TIAM1: variants seen among roughly 807,000 people sequenced by gnomAD.
The protein encoded by TIAM1 is rho guanine nucleotide exchange factor TIAM1.
A neutral mutation model predicts 163.5 loss-of-function variants in TIAM1; 65 were observed. That is an observed-to-expected ratio of 0.40 (90% CI 0.33 to 0.49). TIAM1 has a LOEUF of 0.49. TIAM1 is among the 20% of genes least tolerant of loss of function. The pLI, the probability that TIAM1 is intolerant of heterozygous loss-of-function variation, is 0.77. For synonymous variants in TIAM1, 833 were observed against 810.1 expected (o/e 1.03, Z -0.48); for missense variants, 1,789 against 2,044.7 (o/e 0.87, Z 2.41).
chr21:31,171,035 C>CAAAAAAAAAAAAAAAAAAA (rs34291568), intron 15 of TIAM1, among the ~76,000 whole-genome samples: 2 of 19,572 alleles, frequency 1.0e-4, no homozygotes, highest in African/African-American at 2.0e-4. Flanking sequence ...GACTCCATCT[C>CAAAAAAAAAAAAAAAAAAA]AAAAAAAAAA....
chr21:31,124,471 A>G (rs752408171), intron 27 of TIAM1, 51 bp downstream of exon 27: 100 of 1,606,416 alleles, frequency 6.2e-5, no homozygotes, highest in Non-Finnish European at 7.8e-5. Flanking sequence ...CTGGAGTTCT[A>G]CTGCGGAGTG....
intron 2 of TIAM1, among the ~76,000 whole-genome samples, chr21:31,450,990 C>T (rs1442497801): frequency 6.6e-6 from 1 of 151,574 alleles, no homozygotes; most frequent in Non-Finnish European, 1.5e-5. Flanking sequence ...TCCTTGTGGG[C>T]TTCAGACATC....
At chr21:31,460,069 C>A (rs1466779849) in intron 2 of TIAM1, among the ~76,000 whole-genome samples, 1 of 152,170 alleles carries the variant, frequency 6.6e-6, no homozygotes, top group African/African-American at 2.4e-5. Context: ...AGCTCCTCTG[C>A]AGGTTTTAAA....
At chr21:31,402,869 G>A (rs554724837) in intron 2 of TIAM1, among the ~76,000 whole-genome samples, 60 of 152,168 alleles carry the variant, frequency 3.9e-4, no homozygotes, top group Non-Finnish European at 7.5e-4. Context: ...GGAGAATGGC[G>A]TGAACCTGGG....
intron 1 of TIAM1, among the ~76,000 whole-genome samples, chr21:31,541,606 A>G (rs76128355): frequency 0.015 from 2,249 of 152,372 alleles, 59 homozygotes; most frequent in African/African-American, 0.051. Flanking sequence ...AATGAGAAAT[A>G]TGAGGATAAA....
intron 2 of TIAM1, among the ~76,000 whole-genome samples, chr21:31,303,913 G>A (rs909392586): frequency 6.6e-6 from 1 of 152,128 alleles, no homozygotes; most frequent in African/African-American, 2.4e-5. Context: ...TGGAGGCGGA[G>A]GTTGCAGTGA....
At chr21:31,249,002 C>G (rs1453340769) in intron 5 of TIAM1, among the ~76,000 whole-genome samples, 1 of 152,100 alleles carries the variant, frequency 6.6e-6, no homozygotes, top group Non-Finnish European at 1.5e-5. Context: ...TATTTTATGC[C>G]ACTAACATTG....
chr21:31,395,310 CA>C lies in TIAM1; in HGVS notation c.-368-55889del, dbSNP rs139993610. Among the ~76,000 whole-genome samples the C allele has an allele frequency of 3.8e-4, 58 of 152,074 alleles. No homozygotes were observed. The highest frequency in any genetic ancestry group is 7.9e-4 in the Non-Finnish European group (54 of 67,982). On this transcript the variant is annotated intron_variant, in intron 2 of 28. Coordinates refer to the TIAM1 transcript ENST00000286827. This position sits in a 1 kb window ranked among gnomAD's most constrained non-coding sequence, Gnocchi z 7.5. ...GCTCTCTGGAGATGTCACTACGTCT[CA>C]GGGGGCTACTTCTAGAGAAGTGACA...
At chr21:31,412,538 T>C (rs1179574790) in intron 2 of TIAM1, among the ~76,000 whole-genome samples, 1 of 151,790 alleles carries the variant, frequency 6.6e-6, no homozygotes, top group Non-Finnish European at 1.5e-5. Flanking sequence ...TCCCAGCACT[T>C]TGGGAGGCTG....
intron 1 of TIAM1, 143 bp downstream of exon 1, chr21:31,343,995 C>T (rs1349276273): frequency 6.6e-6 from 1 of 152,252 alleles, no homozygotes; most frequent in African/African-American, 2.4e-5. Flanking sequence ...GCACGGGACG[C>T]ACGGTTCCCC....
At chr21:31,268,989 T>TTTA (rs2072925338) in intron 3 of TIAM1, among the ~76,000 whole-genome samples, 1 of 152,172 alleles carries the variant, frequency 6.6e-6, no homozygotes, top group African/African-American at 2.4e-5. Flanking sequence ...TAGGTTTAAA[T>TTTA]TTAAAAGAGG....
At chr21:31,260,344 T>C (rs2072389795) in intron 4 of TIAM1, among the ~76,000 whole-genome samples, 1 of 151,450 alleles carries the variant, frequency 6.6e-6, no homozygotes, top group Non-Finnish European at 1.5e-5. Flanking sequence ...TTCAAATGAT[T>C]CTGGTGCCTC....
At chr21:31,538,047 A>C (rs2048195573) in intron 1 of TIAM1, among the ~76,000 whole-genome samples, 1 of 152,176 alleles carries the variant, frequency 6.6e-6, no homozygotes, top group Non-Finnish European at 1.5e-5. Flanking sequence ...AAATACATCT[A>C]TGGGGTTAGA....
In TIAM1 at chr21:31,298,989, C is replaced by T. The variant is rs1476382137; in HGVS notation, c.-188-22081G>A. ...TCGGAGGAGGGAGGCGTAGGGCGAA[C>T]AGGAACACAGGTTCAACAACAATAC... On this transcript the variant is annotated intron_variant, in intron 2 of 27. Transcript: ENST00000541036. Among the ~76,000 whole-genome samples, 4 of 152,212 alleles carry T rather than the reference C, an allele frequency of 2.6e-5. No individual in the cohort carries two copies. The South Asian group carries it at 8.3e-4, about 32-fold the overall frequency.
chr21:31,222,721 T>A (rs1465927182), intron 8 of TIAM1, among the ~76,000 whole-genome samples: 7 of 107,884 alleles, frequency 6.5e-5, no homozygotes, highest in African/African-American at 3.2e-4. Context: ...TTTTTTTTTT[T>A]TTTTTTTTTT....
intron 13 of TIAM1, among the ~76,000 whole-genome samples, chr21:31,189,447 T>C (rs2085453758): frequency 6.6e-6 from 1 of 152,150 alleles, no homozygotes; most frequent in South Asian, 2.1e-4. Flanking sequence ...ATGTAATTTG[T>C]ACCAGACAAC....
At chr21:31,234,609 C>T (rs1397883904) in intron 6 of TIAM1, among the ~76,000 whole-genome samples, 2 of 151,842 alleles carry the variant, frequency 1.3e-5, no homozygotes, top group African/African-American at 4.8e-5. Flanking sequence ...GGCAAAACCC[C>T]GTCTCTACAA....
upstream of TIAM1, among the ~76,000 whole-genome samples, chr21:31,344,726 T>G (rs1176014905): frequency 6.6e-6 from 1 of 152,158 alleles, no homozygotes; most frequent in Non-Finnish European, 1.5e-5. Context: ...TGCCTTTTCT[T>G]TCATATGTAC....
At chr21:31,379,786 G>A (rs2076747158) in intron 2 of TIAM1, among the ~76,000 whole-genome samples, 2 of 152,138 alleles carry the variant, frequency 1.3e-5, no homozygotes, top group Non-Finnish European at 2.9e-5. Context: ...ACTCCATACT[G>A]CATAATTCCT....
Sources: gnomAD v4.1 joint callset for allele counts (sites outside exome capture counted in the v4.1 genomes callset) on GRCh38, gnomAD v4.1.1 for gene constraint, Gnocchi (gnomAD v3.1) non-coding constraint, MANE v1.5 for transcripts, NCBI Gene and HGNC (gene_info 2026-07-23, HGNC 2026-07-21) for gene names.